The following LDB2 variants were observed in gnomAD, a reference collection of about 807,000 sequenced individuals.
LDB2 encodes the protein LIM domain-binding protein 2.
LDB2 carries 12 observed loss-of-function variants against 44.3 expected under a neutral mutation model. The observed-to-expected ratio is 0.27, with a 90% confidence interval of 0.17 to 0.44. The LOEUF (loss-of-function observed/expected upper bound fraction) is 0.44, where lower values mean the gene tolerates loss of function less well. Among genes scored for constraint, LDB2 ranks in the 20% least tolerant of loss-of-function variants. The pLI, the probability that LDB2 is intolerant of heterozygous loss-of-function variation, is 1.00. For missense variants in LDB2, 344 were observed against 473.5 expected (o/e 0.73, Z 2.54); for synonymous variants, 164 against 174.8 (o/e 0.94, Z 0.49).
At chr4:16,856,764 C>G (rs564595551) in intron 1 of LDB2, among the ~76,000 whole-genome samples, 18 of 152,214 alleles carry the variant, frequency 1.2e-4, no homozygotes, top group African/African-American at 4.3e-4. Flanking sequence ...TCACAACAGC[C>G]CTATGAGATA....
chr4:16,824,016 C>T (rs1219140721), intron 1 of LDB2, among the ~76,000 whole-genome samples: 1 of 152,130 alleles, frequency 6.6e-6, no homozygotes, highest in African/African-American at 2.4e-5. Flanking sequence ...AGTTACTGTG[C>T]GGCACTGCAA....
At position 16,764,455 on chromosome 4, in the gene LDB2, C is replaced by G. The variant is rs1229421809; in HGVS notation, c.133-5195G>C. On this transcript the variant is annotated intron_variant, in intron 1 of 7. Transcript: ENST00000304523. ...CAAATAGAAGTCTCTGGCAGAAGAT[C>G]TAACAACTCTACTGGTAGACACTCA... Among the ~76,000 whole-genome samples, 3 of 151,290 alleles carry G rather than the reference C, an allele frequency of 2.0e-5. No individual in the cohort carries two copies. In the East Asian group the frequency reaches 5.8e-4, roughly 29 times the overall value.
At chr4:16,640,508 A>T (rs1320223262) in intron 2 of LDB2, among the ~76,000 whole-genome samples, 1 of 152,182 alleles carries the variant, frequency 6.6e-6, no homozygotes, top group Non-Finnish European at 1.5e-5. Context: ...CTTCTTCATC[A>T]TTATTTCTCA....
chr4:16,550,862 A>G (rs1737408945), intron 5 of LDB2, among the ~76,000 whole-genome samples: 1 of 152,226 alleles, frequency 6.6e-6, no homozygotes, highest in Admixed American at 6.5e-5. Context: ...CTGTATGTCC[A>G]CCAGTGGGAA....
At chr4:16,559,185 T>C (rs962541695) in intron 5 of LDB2, among the ~76,000 whole-genome samples, 1 of 152,146 alleles carries the variant, frequency 6.6e-6, no homozygotes, top group Non-Finnish European at 1.5e-5. Flanking sequence ...GCTAACATCA[T>C]AATGACAGGA....
chr4:16,562,111 A>C (rs1309051198), intron 5 of LDB2, among the ~76,000 whole-genome samples: 1 of 152,228 alleles, frequency 6.6e-6, no homozygotes, highest in Non-Finnish European at 1.5e-5. Context: ...AAAACCATAA[A>C]AACCCTAGAA....
At chr4:16,878,888 C>A (rs1342996976) in intron 1 of LDB2, among the ~76,000 whole-genome samples, 1 of 152,186 alleles carries the variant, frequency 6.6e-6, no homozygotes, top group Admixed American at 6.5e-5. Context: ...CTATTGCCAC[C>A]AATATAGGTC....
chr4:16,645,710 TC>T (rs1232819345), intron 2 of LDB2, among the ~76,000 whole-genome samples: 1 of 152,134 alleles, frequency 6.6e-6, no homozygotes, highest in Admixed American at 6.5e-5. Flanking sequence ...GAAGCAGGGA[TC>T]TTTTTCTATT....
intron 2 of LDB2, among the ~76,000 whole-genome samples, chr4:16,604,591 G>T (rs533424008): frequency 1.3e-5 from 2 of 151,256 alleles, no homozygotes; most frequent in South Asian, 4.2e-4. Flanking sequence ...GAAGTAGCGA[G>T]CATTCTTTTT....
At chr4:16,819,201 G>A (rs975571940) in intron 1 of LDB2, among the ~76,000 whole-genome samples, 1 of 151,860 alleles carries the variant, frequency 6.6e-6, no homozygotes, top group Non-Finnish European at 1.5e-5. Context: ...ACTGGGCTAG[G>A]TGACCTTTTA....
chr4:16,598,281 T>G (rs972552176), intron 2 of LDB2, among the ~76,000 whole-genome samples: 3 of 152,218 alleles, frequency 2.0e-5, no homozygotes, highest in African/African-American at 7.2e-5. Flanking sequence ...AAGAAGTCAG[T>G]TGCTATGTAC....
chr4:16,873,257 A>G (rs1403193609), intron 1 of LDB2, among the ~76,000 whole-genome samples: 2 of 152,214 alleles, frequency 1.3e-5, no homozygotes, highest in African/African-American at 2.4e-5. Context: ...GTACAAGTTC[A>G]GAAAAGGGCT....
chr4:16,527,815 C>G (rs1728749208), intron 5 of LDB2, among the ~76,000 whole-genome samples: 1 of 151,112 alleles, frequency 6.6e-6, no homozygotes, highest in Non-Finnish European at 1.5e-5. Context: ...CTCACACACA[C>G]AAAATGATTA....
intron 2 of LDB2, among the ~76,000 whole-genome samples, chr4:16,722,813 G>A (rs1422060948): frequency 6.6e-6 from 1 of 151,982 alleles, no homozygotes; most frequent in African/African-American, 2.4e-5. Context: ...CTGAGGGTAG[G>A]GTCTGTTTGG....
intron 2 of LDB2, among the ~76,000 whole-genome samples, chr4:16,636,569 T>A (rs1044675100): frequency 2.6e-5 from 4 of 152,196 alleles, no homozygotes; most frequent in African/African-American, 9.6e-5. Context: ...TCAGGCTGTA[T>A]GACAACTTAT....
intron 1 of LDB2, among the ~76,000 whole-genome samples, chr4:16,890,115 C>G (rs1316397536): frequency 6.6e-6 from 1 of 152,206 alleles, no homozygotes; most frequent in Non-Finnish European, 1.5e-5. Context: ...CAGTGTGAAT[C>G]AGCTTGGCAA....
chr4:16,592,826 A>G (rs1719599555), intron 3 of LDB2, among the ~76,000 whole-genome samples: 1 of 152,072 alleles, frequency 6.6e-6, no homozygotes. Context: ...AATTAACCCC[A>G]AGAATGTACC....
intron 1 of LDB2, among the ~76,000 whole-genome samples, chr4:16,760,688 G>A (rs1235721064): frequency 6.6e-6 from 1 of 152,166 alleles, no homozygotes; most frequent in Non-Finnish European, 1.5e-5. Flanking sequence ...CCCACTAGCA[G>A]AAGACAATCA....
At chr4:16,632,127 CA>C (rs1419529389) in intron 2 of LDB2, among the ~76,000 whole-genome samples, 1 of 152,034 alleles carries the variant, frequency 6.6e-6, no homozygotes, top group East Asian at 1.9e-4. Flanking sequence ...GTCAGAGACA[CA>C]ACAAAAAAAC....
Sources: allele counts gnomAD v4.1 joint callset (sites outside exome capture counted in the v4.1 genomes callset), GRCh38; gene constraint gnomAD v4.1.1; transcripts MANE v1.5; gene names NCBI Gene and HGNC (gene_info 2026-07-23, HGNC 2026-07-21).